The following STK10 variants were observed in gnomAD, a reference collection of about 807,000 sequenced individuals.
STK10 encodes the protein serine/threonine kinase 10.
In STK10, 78 loss-of-function variants were observed where a neutral mutation model predicts 113.8. The ratio of observed to expected loss-of-function variants is 0.69; its 90% CI spans 0.57 to 0.83. The LOEUF (loss-of-function observed/expected upper bound fraction) is 0.83. STK10 is among the 40% of genes least tolerant of loss of function. The pLI, the probability that STK10 is intolerant of heterozygous loss-of-function variation, is 0.00. For missense variants in STK10, 1,109 were observed against 1,280.1 expected (o/e 0.87, Z 2.04); for synonymous variants, 465 against 494.7 (o/e 0.94, Z 0.80).
intron 2 of STK10, among the ~76,000 whole-genome samples, chr5:172,147,897 C>T (rs1770118073): frequency 6.6e-6 from 1 of 152,152 alleles, no homozygotes; most frequent in Non-Finnish European, 1.5e-5. Flanking sequence ...GTAATAAGGG[C>T]TATGGGAGTT....
chr5:172,067,277 A>G (rs1768090279), intron 12 of STK10, among the ~76,000 whole-genome samples: 1 of 152,330 alleles, frequency 6.6e-6, no homozygotes, highest in South Asian at 2.1e-4. Context: ...GGATCACTTT[A>G]GCCCAGGAGG....
At chr5:172,149,738 G>C (rs979550088) in intron 2 of STK10, among the ~76,000 whole-genome samples, 13 of 152,150 alleles carry the variant, frequency 8.5e-5, no homozygotes, top group African/African-American at 3.1e-4. Context: ...GATAAAATGG[G>C]CAGACTCCGT....
At chr5:172,112,825 C>A (rs977473403) in intron 4 of STK10, among the ~76,000 whole-genome samples, 1 of 151,892 alleles carries the variant, frequency 6.6e-6, no homozygotes, top group Non-Finnish European at 1.5e-5. Context: ...CGGCTCACTG[C>A]AACCTCCACC....
intron 4 of STK10, among the ~76,000 whole-genome samples, chr5:172,114,057 T>C (rs1257946153): frequency 1.3e-5 from 2 of 152,216 alleles, no homozygotes; most frequent in South Asian, 4.1e-4. Context: ...GGGAAAATTA[T>C]GACTCCCATT....
chr5:172,116,888 A>C (rs141528946), intron 4 of STK10, among the ~76,000 whole-genome samples: 199 of 151,862 alleles, frequency 1.3e-3, no homozygotes, highest in African/African-American at 4.5e-3. Context: ...CAAAAAAAGA[A>C]GGTTTTGATA....
intron 16 of STK10, among the ~76,000 whole-genome samples, chr5:172,055,093 C>T (rs1767715648): frequency 6.6e-6 from 1 of 152,208 alleles, no homozygotes; most frequent in African/African-American, 2.4e-5. Flanking sequence ...TACCTCTGTC[C>T]ACACACAGAG....
chr5:172,112,850 A>C (rs1274481028), intron 4 of STK10, among the ~76,000 whole-genome samples: 4 of 144,676 alleles, frequency 2.8e-5, no homozygotes, highest in South Asian at 2.2e-4. Flanking sequence ...GGGTTCAAGC[A>C]ATTCTCCTGC....
chr5:172,122,764 C>T (rs1008112465), intron 3 of STK10, among the ~76,000 whole-genome samples: 1 of 152,220 alleles, frequency 6.6e-6, no homozygotes, highest in African/African-American at 2.4e-5. Context: ...GCTGGGACTA[C>T]AGGCGCCCGC....
chr5:172,070,254 A>AATATATAT (rs1223472267), intron 12 of STK10, among the ~76,000 whole-genome samples: 1 of 146,936 alleles, frequency 6.8e-6, no homozygotes, highest in African/African-American at 2.6e-5. Flanking sequence ...ACCTCAAAAA[A>AATATATAT]ATATATATCT....
chr5:172,099,228 G>A (rs754860612), intron 7 of STK10, among the ~76,000 whole-genome samples: 1 of 151,914 alleles, frequency 6.6e-6, no homozygotes, highest in Non-Finnish European at 1.5e-5. Flanking sequence ...TCAGCAGCAG[G>A]AGCAGCAGCA....
chr5:172,091,392 G>A (rs1205150344), intron 9 of STK10, among the ~76,000 whole-genome samples: 2 of 152,194 alleles, frequency 1.3e-5, no homozygotes, highest in Non-Finnish European at 2.9e-5. Flanking sequence ...TTGTGCAGGT[G>A]CCACCTGGGA....
chr5:172,176,278 G>A (rs933391968), intron 1 of STK10, among the ~76,000 whole-genome samples: 2 of 152,152 alleles, frequency 1.3e-5, no homozygotes, highest in African/African-American at 4.8e-5. Context: ...CCTCTGATCC[G>A]CAGCAGACAC....
At chr5:172,087,690 G>A (rs1581148784) in intron 10 of STK10, among the ~76,000 whole-genome samples, 1 of 96,832 alleles carries the variant, frequency 1.0e-5, no homozygotes, top group Middle Eastern at 4.9e-3. Flanking sequence ...CTGCAGTGGC[G>A]CAATCTCGGC....
In STK10 at chr5:172,182,028, G is replaced by A. The variant is rs148973668; in HGVS notation, c.156+5859C>T. 9.2e-3 allele frequency among the ~76,000 whole-genome samples: 1,393 copies of A among 152,028 alleles called. 27 individuals carry two copies. Among genetic ancestry groups the A allele is most frequent in the African/African-American group, 0.032 (1,340 of 41,452 alleles). On this transcript the variant is annotated intron_variant, in intron 1 of 18. Coordinates refer to ENST00000176763, the MANE Select transcript of STK10 (RefSeq NM_005990.4). The stretch of plus-strand genomic sequence containing the variant: ...AATCTTTTAAAAGTTTAAAAAGGCC[G>A]GCTCGGTGGCTCACGCCTGTAATCC...
chr5:172,057,566 T>C, intron 14 of STK10, 93 bp from the exon 15 acceptor site: 1 of 1,488,026 alleles, frequency 6.7e-7, no homozygotes, highest in Non-Finnish European at 9.0e-7. Flanking sequence ...CTCCTCATGC[T>C]GGAGATGATA....
Position 172,096,477 on chromosome 5 carries a change from G to T in STK10, c.954C>A (p.Ile318=), listed in dbSNP as rs142366137. 7 of 1,613,614 alleles carry T rather than the reference G, an allele frequency of 4.3e-6. No individual in the cohort carries two copies. In the South Asian group the frequency reaches 6.6e-5, roughly 15 times the overall value. ...AEAKAEVMEE[I]EDGRDEGEEE... ...CTTCCCCCTCATCCCGGCCGTCTTC[G>T]ATCTCTTCCATCACCTCGGCCTTGG... The change falls in exon 8 of 19, where the codon ATC becomes ATA. Residue 318 remains isoleucine, a synonymous_variant. Coordinates refer to ENST00000176763, the MANE Select transcript of STK10 (RefSeq NM_005990.4).
intron 13 of STK10, 110 bp downstream of exon 13, chr5:172,064,610 G>C: frequency 8.8e-7 from 1 of 1,131,218 alleles, no homozygotes; most frequent in South Asian, 1.3e-5. Context: ...TAGGTATTCA[G>C]AACGGGGTAT....
chr5:172,101,082 G>A (rs569079979), intron 7 of STK10, among the ~76,000 whole-genome samples: 4 of 152,218 alleles, frequency 2.6e-5, no homozygotes, highest in East Asian at 1.9e-4. Flanking sequence ...ACTTCAGAGC[G>A]TTGGTATGAG....
Position 172,187,072 on chromosome 5 carries a change from G to C in STK10, c.156+815C>G, listed in dbSNP as rs1467375758. Among the ~76,000 whole-genome samples, 1 of 152,070 alleles carries C rather than the reference G, an allele frequency of 6.6e-6. No homozygotes were observed. The highest frequency in any genetic ancestry group is 1.5e-5 in the Non-Finnish European group (1 of 68,022). On this transcript the variant is annotated intron_variant, in intron 1 of 18. Transcript: ENST00000176763. This position sits in a 1 kb window ranked among gnomAD's most constrained non-coding sequence, Gnocchi z 4.6. ...GGGGGGAGTCAAGCTGTAGGTGTTG[G>C]CTCCCTAAAACAACTCACCACCTCA... is the stretch of plus-strand genomic sequence containing the variant.
Sources: gnomAD v4.1 joint callset for allele counts (sites outside exome capture counted in the v4.1 genomes callset) on GRCh38, gnomAD v4.1.1 for gene constraint, Gnocchi (gnomAD v3.1) non-coding constraint, MANE v1.5 for transcripts, NCBI Gene and HGNC (gene_info 2026-07-23, HGNC 2026-07-21) for gene names.